The following SNTG2 variants were observed in gnomAD, a reference collection of about 807,000 sequenced individuals.
SNTG2 encodes the protein syntrophin gamma 2.
SNTG2 carries 74 observed loss-of-function variants against 70.9 expected under a neutral mutation model. That is an observed-to-expected ratio of 1.04 (90% CI 0.86 to 1.27). The LOEUF is 1.27. Ranked by LOEUF, SNTG2 falls within the 50% of genes most tolerant of loss-of-function variation. SNTG2 has a pLI of 0.00. For synonymous variants in SNTG2, 278 were observed against 273.8 expected (o/e 1.02, Z -0.15); for missense variants, 717 against 690.7 (o/e 1.04, Z -0.43).
rs993624248 is a variant in SNTG2 at position 1,367,558 on chromosome 2, G to A, written c.*84G>A. 1 of 1,466,412 alleles carries A rather than the reference G, an allele frequency of 6.8e-7. No individual in the cohort carries two copies. Among genetic ancestry groups the A allele is most frequent in the South Asian group, 1.3e-5 (1 of 75,366 alleles). The allele number at this position is 1,466,412 out of a possible 1,614,324, so 90.8% of individuals were successfully genotyped here. On this transcript the variant is annotated 3_prime_UTR_variant, in exon 17 of 17. Transcript: ENST00000308624. ...CTGCAGAATATTGCAACTTTGTGTTGTTTTATGATGAGCCTATAGTTGTGA... is the reference window on the plus strand; with the variant it reads ...CTGCAGAATATTGCAACTTTGTGTTATTTTATGATGAGCCTATAGTTGTGA...
chr2:1,011,813 T>A (rs1175808962), intron 1 of SNTG2, among the ~76,000 whole-genome samples: 3 of 152,160 alleles, frequency 2.0e-5, no homozygotes. Context: ...AAAACACATT[T>A]AAAAAACACA....
chr2:1,199,573 G>A (rs923179949), intron 8 of SNTG2, among the ~76,000 whole-genome samples: 4 of 152,062 alleles, frequency 2.6e-5, no homozygotes, highest in African/African-American at 7.2e-5. Flanking sequence ...AAAATAGGAA[G>A]TTAAATTGTC....
At chr2:1,066,376 TGAA>T (rs1444367914) in intron 1 of SNTG2, among the ~76,000 whole-genome samples, 2 of 152,058 alleles carry the variant, frequency 1.3e-5, no homozygotes, top group East Asian at 1.9e-4. Context: ...CGTGTTGTTG[TGAA>T]GAAGAATTGG....
intron 8 of SNTG2, among the ~76,000 whole-genome samples, chr2:1,173,797 G>A (rs1007128768): frequency 2.0e-5 from 3 of 152,242 alleles, no homozygotes; most frequent in South Asian, 4.1e-4. Context: ...CAGGGCTCAC[G>A]CCCTCCTCTC....
intron 4 of SNTG2, among the ~76,000 whole-genome samples, chr2:1,127,961 G>A (rs34464678): frequency 0.39 from 59,016 of 151,934 alleles, 12,511 homozygotes; most frequent in Non-Finnish European, 0.49. Flanking sequence ...TCTCTTGCCT[G>A]AGTGCTCTAG....
intron 1 of SNTG2, among the ~76,000 whole-genome samples, chr2:1,051,141 C>CCTTCCTCCCTCCCTCTCCCCCTTT (rs1558342938): frequency 4.1e-4 from 61 of 150,542 alleles, no homozygotes; most frequent in African/African-American, 1.3e-3. Context: ...TTACACATTT[C>CCTTCCTCCCTCCCTCTCCCCCTTT]CTTCCTCCCT....
intron 13 of SNTG2, 99 bp downstream of exon 13, chr2:1,259,540 A>G: frequency 1.0e-6 from 1 of 998,572 alleles, no homozygotes; most frequent in Admixed American, 2.1e-5. Context: ...CCATTGAAAT[A>G]GTAAAATTTG....
At chr2:1,359,217 T>C (rs934773320) in intron 16 of SNTG2, among the ~76,000 whole-genome samples, 20 of 152,152 alleles carry the variant, frequency 1.3e-4, no homozygotes, top group Non-Finnish European at 2.5e-4. Flanking sequence ...ATATGAAACA[T>C]AGTTTGTGTT....
At chr2:1,291,258 C>T (rs1679978617) in intron 14 of SNTG2, among the ~76,000 whole-genome samples, 1 of 152,074 alleles carries the variant, frequency 6.6e-6, no homozygotes, top group African/African-American at 2.4e-5. Context: ...AGACATCAAC[C>T]CCTTAATAGA....
intron 9 of SNTG2, among the ~76,000 whole-genome samples, chr2:1,225,255 A>G (rs982029803): frequency 1.3e-5 from 2 of 152,234 alleles, no homozygotes; most frequent in Admixed American, 6.5e-5. Flanking sequence ...AAAGTAATTT[A>G]CACGGTGTTT....
intron 1 of SNTG2, among the ~76,000 whole-genome samples, chr2:1,069,696 C>T (rs1663397509): frequency 1.3e-5 from 2 of 152,066 alleles, no homozygotes; most frequent in South Asian, 2.1e-4. Context: ...GAGGCTGAGG[C>T]AAGAGAATCG....
chr2:981,007 A>T (rs1453582089), intron 1 of SNTG2, among the ~76,000 whole-genome samples: 3 of 152,156 alleles, frequency 2.0e-5, no homozygotes, highest in African/African-American at 7.2e-5. Context: ...TGAGTAGCCC[A>T]AGGTTAGAGC....
chr2:1,336,116 C>A (rs1418642731), intron 16 of SNTG2, among the ~76,000 whole-genome samples: 2 of 152,140 alleles, frequency 1.3e-5, no homozygotes, highest in Non-Finnish European at 2.9e-5. Flanking sequence ...AAATATGCCT[C>A]TTTTGATACA....
At chr2:1,147,685 A>G (rs1669190671) in intron 6 of SNTG2, among the ~76,000 whole-genome samples, 1 of 152,214 alleles carries the variant, frequency 6.6e-6, no homozygotes, top group African/African-American at 2.4e-5. Flanking sequence ...GGGGGGTAAG[A>G]GTCACCAAGA....
chr2:1,268,545 C>T (rs568532491), intron 14 of SNTG2, among the ~76,000 whole-genome samples: 2 of 152,296 alleles, frequency 1.3e-5, no homozygotes, highest in Non-Finnish European at 2.9e-5. Flanking sequence ...TCCCAGGCTG[C>T]TGTGATTTTC....
chr2:1,066,840 G>T, intron 1 of SNTG2, among the ~76,000 whole-genome samples: 2 of 152,194 alleles, frequency 1.3e-5, no homozygotes. Context: ...GCAGCTTCTC[G>T]TGTGGTTGTA....
At chr2:1,216,924 T>G (rs1391878905) in intron 9 of SNTG2, among the ~76,000 whole-genome samples, 1 of 152,120 alleles carries the variant, frequency 6.6e-6, no homozygotes, top group Admixed American at 6.5e-5. Flanking sequence ...CTTTCACTCC[T>G]CACTCTTCTC....
chr2:1,244,075 C>T (rs1266699964), intron 11 of SNTG2, among the ~76,000 whole-genome samples: 1 of 152,188 alleles, frequency 6.6e-6, no homozygotes, highest in African/African-American at 2.4e-5. Flanking sequence ...GAAGTAAAAC[C>T]AGCAGAGTTT....
chr2:999,149 G>T (rs563769352), intron 1 of SNTG2, among the ~76,000 whole-genome samples: 1 of 152,002 alleles, frequency 6.6e-6, no homozygotes, highest in African/African-American at 2.4e-5. Flanking sequence ...AGTTCTAAAC[G>T]TGGAAACAAA....
Sources: allele counts gnomAD v4.1 joint callset (sites outside exome capture counted in the v4.1 genomes callset), GRCh38; gene constraint gnomAD v4.1.1; transcripts MANE v1.5; gene names NCBI Gene and HGNC (gene_info 2026-07-23, HGNC 2026-07-21).